Variants in ITPRID1 observed in about 807,000 individuals in gnomAD.
ITPRID1 encodes the protein ITPR interacting domain containing 1.
ITPRID1 carries 96 observed loss-of-function variants against 95.4 expected under a neutral mutation model. The ratio of observed to expected loss-of-function variants is 1.01; its 90% CI spans 0.85 to 1.19. The LOEUF is 1.19. ITPRID1 is among the 50% of genes most tolerant of loss of function. The pLI is 0.00. For missense variants in ITPRID1, 1,339 were observed against 1,252.9 expected, an observed-to-expected ratio of 1.07 and a Z score of -1.04; for synonymous variants, 510 against 453.6, an observed-to-expected ratio of 1.12 and a Z score of -1.58.
chr7:31,637,495 G>A (rs1351204723), intron 10 of ITPRID1, among the ~76,000 whole-genome samples: 1 of 152,192 alleles, frequency 6.6e-6, no homozygotes, highest in Admixed American at 6.5e-5. Context: ...CAGTGATGAT[G>A]AGCATTTTTT....
At chr7:31,625,720 T>G (rs1207539705) in intron 10 of ITPRID1, among the ~76,000 whole-genome samples, 1 of 152,104 alleles carries the variant, frequency 6.6e-6, no homozygotes, top group African/African-American at 2.4e-5. Context: ...CATGTATACA[T>G]ATGTACCTAA....
chr7:31,585,460 A>C (rs1348749630), intron 10 of ITPRID1, among the ~76,000 whole-genome samples: 3 of 152,158 alleles, frequency 2.0e-5, no homozygotes, highest in Admixed American at 2.0e-4. Flanking sequence ...ATGGCAAGGG[A>C]ATATAAGGAA....
rs1420498122 is a variant in ITPRID1, at chr7:31,569,781, G to A, written c.280G>A (p.Val94Ile). ...AGTTTCTTTGTATGAACAAGGGATG[G>A]TTCAAATGACTGTGAAAGACTACAT... ...RTVSLYEQGM[V>I]QMTVKDYMRS... is the part of the protein sequence containing the mutation. Residue 94 changes from valine (V) to isoleucine (I), a missense_variant, in exon 6 of 15, where the codon GTT (valine) becomes ATT (isoleucine). Val to Ile is a conservative substitution (Grantham distance 29, BLOSUM62 3). Transcript: ENST00000615280. 3 of 1,587,382 alleles carry A rather than the reference G, an allele frequency of 1.9e-6. No individual in the cohort carries two copies. The highest frequency in any genetic ancestry group is 2.6e-6 in the Non-Finnish European group (3 of 1,165,614).
intron 10 of ITPRID1, among the ~76,000 whole-genome samples, chr7:31,600,019 T>A (rs1786326331): frequency 6.6e-6 from 1 of 152,156 alleles, no homozygotes; most frequent in Non-Finnish European, 1.5e-5. Context: ...ATATTTTCTA[T>A]GTGTTTGAAA....
intron 1 of ITPRID1, among the ~76,000 whole-genome samples, chr7:31,521,651 CTT>C (rs1227527338): frequency 7.8e-6 from 1 of 128,326 alleles, no homozygotes; most frequent in African/African-American, 3.1e-5. Context: ...TCCTTCCTTC[CTT>C]CCTTCCTTCC....
chr7:31,656,579 T>A (rs1309268875), downstream of ITPRID1: 1 of 645,342 alleles, frequency 1.5e-6, no homozygotes, highest in Non-Finnish European at 1.9e-6. Flanking sequence ...TACCGCTTGA[T>A]GAATGAATGA....
At chr7:31,612,268 A>G (rs1249248094) in intron 10 of ITPRID1, among the ~76,000 whole-genome samples, 7 of 152,060 alleles carry the variant, frequency 4.6e-5, no homozygotes, top group Non-Finnish European at 1.0e-4. Context: ...TCCTTCAGTT[A>G]TTTTGAACAA....
intron 3 of ITPRID1, 41 bp downstream of exon 3, chr7:31,553,228 T>C (rs751576174): frequency 8.6e-6 from 13 of 1,519,194 alleles, no homozygotes; most frequent in Non-Finnish European, 6.2e-6. Context: ...CATTCCTCTG[T>C]GAGTGGTGAG....
chr7:31,604,266 T>G (rs745697592), intron 10 of ITPRID1, among the ~76,000 whole-genome samples: 3 of 152,190 alleles, frequency 2.0e-5, no homozygotes, highest in Non-Finnish European at 4.4e-5. Context: ...TGGATTTTAC[T>G]CCCATTTTAC....
intron 8 of ITPRID1, 150 bp downstream of exon 8, chr7:31,574,892 T>C: frequency 2.8e-6 from 2 of 715,500 alleles, no homozygotes; most frequent in Admixed American, 4.8e-5. Context: ...TTGGTCATCC[T>C]ATATGTCCAG....
Position 31,578,021 on chromosome 7 carries a change from A to G in ITPRID1, c.757A>G (p.Met253Val). 6.2e-7 allele frequency: 1 copy of G among 1,613,906 alleles called. No homozygotes were observed. The highest frequency in any genetic ancestry group is 8.5e-7 in the Non-Finnish European group (1 of 1,179,866). Residue 253 changes from methionine to valine, a missense_variant, in exon 9 of 15, where the codon ATG becomes GTG. Physicochemically the swap from Met to Val is conservative, Grantham distance 21 (BLOSUM62 1). Coordinates refer to ENST00000615280, the MANE Select transcript of ITPRID1 (RefSeq NM_001257967.3). ...VSAAKEHRRR[M>V]GKLLRRASKQ... ...TGCCGCCAAAGAGCATCGAAGAAGA[A>G]TGGGTAAACTCTTAAGGAGAGCTTC...
intron 9 of ITPRID1, 28 bp downstream of exon 9, chr7:31,578,462 C>T (rs771613658): frequency 1.1e-5 from 17 of 1,514,290 alleles, no homozygotes; most frequent in East Asian, 4.5e-5. Flanking sequence ...GTACCAGCCT[C>T]CTAAGGGAAA....
At chr7:31,623,656 T>C (rs1004005806) in intron 10 of ITPRID1, among the ~76,000 whole-genome samples, 12 of 113,260 alleles carry the variant, frequency 1.1e-4, no homozygotes, top group Admixed American at 3.8e-4. Context: ...TCATACTGAA[T>C]GGGGAAAAAC....
intron 1 of ITPRID1, among the ~76,000 whole-genome samples, chr7:31,544,681 A>G (rs1784041205): frequency 6.6e-6 from 1 of 152,170 alleles, no homozygotes; most frequent in Non-Finnish European, 1.5e-5. Context: ...TTGTAATTAA[A>G]TGTAATCTCC....
In ITPRID1 at chr7:31,539,933, G is replaced by C. The variant is rs1313805340; in HGVS notation, c.-97-9493G>C. ...GAGGGGTTTGGAATGTTTCTGGTCG[G>C]AGATGTTATTTATGGTTTATGGTCA... On this transcript the variant is annotated intron_variant, in intron 1 of 14. Transcript: ENST00000615280. Among the ~76,000 whole-genome samples the C allele has an allele frequency of 3.3e-5, 5 of 152,236 alleles. No homozygotes were observed. In the East Asian group the frequency reaches 9.7e-4, roughly 29 times the overall value.
At position 31,655,705 on chromosome 7, in the gene ITPRID1, T is replaced by C. The variant is rs1040144520; in HGVS notation, c.*2876T>C. ...TATCATGGCTCAGCTCCCAGCCAAATTGACTCCTGATGCATTGCATTTGTG... is the reference window on the plus strand; with the variant it reads ...TATCATGGCTCAGCTCCCAGCCAAACTGACTCCTGATGCATTGCATTTGTG... On this transcript the variant is annotated 3_prime_UTR_variant, in exon 15 of 15. Coordinates refer to ENST00000615280, the MANE Select transcript of ITPRID1 (RefSeq NM_001257967.3). 7 of 985,368 alleles carry C rather than the reference T, an allele frequency of 7.1e-6. No homozygotes were observed. The highest frequency in any genetic ancestry group is 1.1e-4 in the East Asian group (1 of 8,822). The allele number at this position is 985,368 out of a possible 1,614,324, so 61.0% of individuals were successfully genotyped here. A position where few individuals can be genotyped will look rare whatever the true frequency, so the allele number is the denominator to read the frequency against.
intron 5 of ITPRID1, among the ~76,000 whole-genome samples, chr7:31,567,010 T>A (rs1359600535): frequency 6.6e-6 from 1 of 152,150 alleles, no homozygotes; most frequent in Non-Finnish European, 1.5e-5. Context: ...TTGCAAAGGA[T>A]TTTATATTAT....
intron 5 of ITPRID1, among the ~76,000 whole-genome samples, chr7:31,559,125 A>G (rs1174310045): frequency 2.0e-5 from 3 of 152,186 alleles, no homozygotes; most frequent in Non-Finnish European, 4.4e-5. Context: ...TCTTGGTGAC[A>G]CAAGAAATAT....
chr7:31,623,185 A>G (rs1246096288), intron 10 of ITPRID1, among the ~76,000 whole-genome samples: 3 of 152,104 alleles, frequency 2.0e-5, no homozygotes, highest in Non-Finnish European at 4.4e-5. Context: ...ACAAGGAGGA[A>G]CTGGTACCAT....
Sources: gnomAD v4.1 joint callset for allele counts (sites outside exome capture counted in the v4.1 genomes callset) on GRCh38, gnomAD v4.1.1 for gene constraint, MANE v1.5 for transcripts, NCBI Gene and HGNC (gene_info 2026-07-23, HGNC 2026-07-21) for gene names.